Variants in UQCR11 observed in about 807,000 individuals in gnomAD.
UQCR11 encodes the protein ubiquinol-cytochrome c reductase, complex III subunit XI.
In UQCR11, 10 loss-of-function variants were observed where a neutral mutation model predicts 7.6. The observed-to-expected ratio is 1.31, with a 90% confidence interval of 0.81 to 2.22. UQCR11 has a LOEUF of 2.22. Ranked by LOEUF, UQCR11 falls within the 30% of genes most tolerant of loss-of-function variation. UQCR11 has a pLI of 0.00. For missense variants in UQCR11, 86 were observed against 75.1 expected (o/e 1.15, Z -0.54); for synonymous variants, 34 against 34.9 (o/e 0.97, Z 0.09).
intron 1 of UQCR11, among the ~76,000 whole-genome samples, chr19:1,601,599 C>CAAAAA (rs56108793): frequency 2.5e-5 from 2 of 81,180 alleles, no homozygotes; most frequent in South Asian, 8.2e-4. Flanking sequence ...GACACCGTCT[C>CAAAAA]AAAAAAAAAA....
At chr19:1,602,338 G>A (rs2060749761) in intron 1 of UQCR11, 1 of 152,186 alleles carries the variant, frequency 6.6e-6, no homozygotes, top group Non-Finnish European at 1.5e-5. Context: ...CACCAGCTGG[G>A]GGCACGCACA....
intron 1 of UQCR11, 97 bp from the exon 2 acceptor site, chr19:1,599,657 G>A (rs533699691): frequency 2.6e-6 from 4 of 1,518,392 alleles, no homozygotes; most frequent in Middle Eastern, 2.0e-4. Flanking sequence ...GGTGATGGCT[G>A]AGGTGCGGGC....
chr19:1,602,408 G>T (rs183632161), intron 1 of UQCR11: 2 of 152,108 alleles, frequency 1.3e-5, no homozygotes, highest in Non-Finnish European at 2.9e-5. Context: ...ATCTTCGCAC[G>T]TGTTGTCTTG....
intron 1 of UQCR11, among the ~76,000 whole-genome samples, chr19:1,604,140 T>G (rs2060755072): frequency 6.6e-6 from 1 of 152,126 alleles, no homozygotes; most frequent in African/African-American, 2.4e-5. Flanking sequence ...AGACGGGGTT[T>G]CTCCATGTTG....
Position 1,605,208 on chromosome 19 carries a change from C to T in UQCR11, c.50+152G>A, listed in dbSNP as rs112161516. The T allele has an allele frequency of 4.7e-5, 45 of 963,308 alleles. No homozygotes were observed. In the African/African-American group the frequency reaches 6.0e-4, roughly 13 times the overall value. The allele number at this position is 963,308 out of a possible 1,614,324, so 59.7% of individuals were successfully genotyped here. On this transcript the variant is annotated intron_variant, in intron 1 of 2. Transcript: ENST00000591899. ...CGCCGGGACGCGCCGCTCCGCCTCTCGGCCTCAGTTTCCCCCTCTGTCACC... is the reference window on the plus strand; with the variant it reads ...CGCCGGGACGCGCCGCTCCGCCTCTTGGCCTCAGTTTCCCCCTCTGTCACC...
chr19:1,599,098 T>C (rs933099799), intron 2 of UQCR11: 5 of 283,452 alleles, frequency 1.8e-5, no homozygotes, highest in Non-Finnish European at 3.4e-5. Context: ...GTCTGTAACA[T>C]GGGCCCCACC....
intron 1 of UQCR11, among the ~76,000 whole-genome samples, chr19:1,600,210 T>C (rs971673907): frequency 1.5e-5 from 2 of 133,304 alleles, no homozygotes; most frequent in Non-Finnish European, 3.2e-5. Context: ...CACAGGCTTC[T>C]TTTTTTTTTT....
chr19:1,605,072 G>A (rs1355056658), intron 1 of UQCR11, among the ~76,000 whole-genome samples: 3 of 152,264 alleles, frequency 2.0e-5, no homozygotes, highest in Non-Finnish European at 4.4e-5. Context: ...TCCGTCCAGG[G>A]GGTCACCATT....
At chr19:1,604,209 T>C (rs554787485) in intron 1 of UQCR11, among the ~76,000 whole-genome samples, 2 of 151,816 alleles carry the variant, frequency 1.3e-5, no homozygotes, top group South Asian at 2.1e-4. Flanking sequence ...CCTCCCAAAG[T>C]GTTGGGATTA....
chr19:1,599,643 G>A (rs2060741533), intron 1 of UQCR11, 83 bp from the exon 2 acceptor site: 2 of 1,553,460 alleles, frequency 1.3e-6, no homozygotes, highest in African/African-American at 1.4e-5. Flanking sequence ...CCCCCGTCCT[G>A]AGCGGTGATG....
chr19:1,600,705 C>T (rs2060744874), intron 1 of UQCR11, among the ~76,000 whole-genome samples: 1 of 152,154 alleles, frequency 6.6e-6, no homozygotes, highest in Admixed American at 6.5e-5. Context: ...GACCCCATCT[C>T]TACACAAAAT....
intron 1 of UQCR11, among the ~76,000 whole-genome samples, chr19:1,604,316 C>T (rs979734142): frequency 1.3e-5 from 2 of 152,082 alleles, no homozygotes; most frequent in Admixed American, 6.6e-5. Context: ...CAGGCTCAAA[C>T]GATCCTCCCA....
At chr19:1,603,153 C>T (rs2060751993) in intron 1 of UQCR11, among the ~76,000 whole-genome samples, 1 of 152,232 alleles carries the variant, frequency 6.6e-6, no homozygotes, top group South Asian at 2.1e-4. Context: ...CGGCCCCTCG[C>T]ACGCACGTGT....
At chr19:1,603,564 G>A (rs1401721299) in intron 1 of UQCR11, among the ~76,000 whole-genome samples, 3 of 152,144 alleles carry the variant, frequency 2.0e-5, no homozygotes, top group African/African-American at 7.2e-5. Flanking sequence ...CCGAGATTGC[G>A]CCACTGCACT....
rs1436351723 is a variant in UQCR11, at chr19:1,597,515, G to T, written c.*729C>A. The T allele has an allele frequency of 6.6e-6, 1 of 152,290 alleles. No individual in the cohort carries two copies. Among genetic ancestry groups the T allele is most frequent in the Non-Finnish European group, 1.5e-5 (1 of 68,094 alleles). The allele number at this position is 152,290 out of a possible 1,614,324, so 9.4% of individuals were successfully genotyped here. A position where few individuals can be genotyped will look rare whatever the true frequency, so the allele number is the denominator to read the frequency against. On this transcript the variant is annotated 3_prime_UTR_variant, in exon 3 of 3. Transcript: ENST00000591899. ...GTGAGACTTCTCAGGGTGGCTCATA[G>T]AAGCACTGTGGCTTGCTCCTTCCTC...
chr19:1,605,203 C>T (rs533753162), intron 1 of UQCR11, among the ~76,000 whole-genome samples, 157 bp downstream of exon 1: 116 of 152,290 alleles, frequency 7.6e-4, no homozygotes, highest in Non-Finnish European at 7.4e-4. Context: ...CGCCGCTCCG[C>T]CTCTCGGCCT....
At chr19:1,600,371 G>A (rs988068170) in intron 1 of UQCR11, among the ~76,000 whole-genome samples, 9 of 152,088 alleles carry the variant, frequency 5.9e-5, no homozygotes, top group African/African-American at 2.2e-4. Flanking sequence ...CCGTCACTGC[G>A]CCTGGCTAAT....
At chr19:1,601,599 C>CAA (rs56108793) in intron 1 of UQCR11, among the ~76,000 whole-genome samples, 6 of 81,172 alleles carry the variant, frequency 7.4e-5, no homozygotes, top group African/African-American at 1.4e-4. Flanking sequence ...GACACCGTCT[C>CAA]AAAAAAAAAA....
In UQCR11 at chr19:1,603,531, C is replaced by A. The variant is rs758248889; in HGVS notation, c.50+1829G>T. On this transcript the variant is annotated intron_variant, in intron 1 of 2. Transcript: ENST00000591899. ...CTGAGGCAGGAGAATGGCGTGAACC[C>A]GGGAGGCGGAGCTTGCAGTGAGCCG... 3.9e-5 allele frequency among the ~76,000 whole-genome samples: 6 copies of A among 152,114 alleles called. No individual in the cohort carries two copies. In the East Asian group the frequency reaches 1.2e-3, roughly 29 times the overall value.
Sources: allele counts gnomAD v4.1 joint callset (sites outside exome capture counted in the v4.1 genomes callset), GRCh38; gene constraint gnomAD v4.1.1; transcripts MANE v1.5; gene names NCBI Gene and HGNC (gene_info 2026-07-23, HGNC 2026-07-21).